The following ASB5 variants were observed in gnomAD, a reference collection of about 807,000 sequenced individuals.
The protein encoded by ASB5 is ankyrin repeat and SOCS box containing 5.
Under a neutral mutation model 42.1 loss-of-function variants are expected in ASB5, and 45 were observed. That is an observed-to-expected ratio of 1.07 (90% CI 0.84 to 1.37). The LOEUF is 1.37. Among genes scored for constraint, ASB5 ranks in the 40% most tolerant of loss-of-function variants. The pLI is 0.00. For missense variants in ASB5, 402 were observed against 399.8 expected, an observed-to-expected ratio of 1.01 and a Z score of -0.05; for synonymous variants, 147 against 150.6, an observed-to-expected ratio of 0.98 and a Z score of 0.18.
intron 1 of ASB5, among the ~76,000 whole-genome samples, chr4:176,236,084 C>G (rs568294836): frequency 2.0e-5 from 3 of 151,914 alleles, no homozygotes; most frequent in Admixed American, 6.6e-5. Flanking sequence ...TGACATAAAA[C>G]GATAGCTTAT....
In ASB5 at chr4:176,227,970, G is replaced by A. The variant is rs1036940415; in HGVS notation, c.197-2629C>T. 6.6e-5 allele frequency among the ~76,000 whole-genome samples: 10 copies of A among 151,790 alleles called. No homozygotes were observed. The East Asian group carries it at 9.6e-4, about 15-fold the overall frequency. ...AGAAGTTTTATTTCATTTTATTCTC[G>A]GCAAAAGTAGGCTGTTGCTTGACAA... is the stretch of plus-strand genomic sequence containing the variant. On this transcript the variant is annotated intron_variant, in intron 1 of 6. Transcript: ENST00000296525.
At chr4:176,272,108 A>G (rs960647813), upstream of ASB5, among the ~76,000 whole-genome samples, 1 of 152,204 alleles carries the variant, frequency 6.6e-6, no homozygotes, top group African/African-American at 2.4e-5. Flanking sequence ...ACTAAGTGGG[A>G]ATAAAGAAAG....
intron 1 of ASB5, among the ~76,000 whole-genome samples, chr4:176,263,125 C>T (rs10005873): frequency 0.65 from 98,340 of 151,804 alleles, 32,100 homozygotes; most frequent in Middle Eastern, 0.72. Flanking sequence ...TCGGAGAGTT[C>T]TGGTTGTTGA....
intron 5 of ASB5, among the ~76,000 whole-genome samples, chr4:176,217,327 A>G (rs2126937349): frequency 6.6e-6 from 1 of 152,260 alleles, no homozygotes; most frequent in African/African-American, 2.4e-5. Context: ...AATGATTCCA[A>G]AAGTAACCAT....
intron 2 of ASB5, among the ~76,000 whole-genome samples, chr4:176,275,438 T>G (rs1754546246): frequency 6.6e-6 from 1 of 152,174 alleles, no homozygotes; most frequent in Admixed American, 6.5e-5. Context: ...GTTATGAATT[T>G]TAGAGAAAAA....
At chr4:176,258,030 T>C (rs1480828565) in intron 1 of ASB5, among the ~76,000 whole-genome samples, 1 of 152,200 alleles carries the variant, frequency 6.6e-6, no homozygotes, top group Admixed American at 6.5e-5. Flanking sequence ...ATAGTTAATT[T>C]ATTACAATGT....
intron 1 of ASB5, among the ~76,000 whole-genome samples, 181 bp downstream of exon 1, chr4:176,268,728 CCAAA>C (rs1222698805): frequency 4.0e-5 from 6 of 151,602 alleles, no homozygotes; most frequent in Non-Finnish European, 5.9e-5. Context: ...TGATTTTAAC[CCAAA>C]CATTTACATT....
chr4:176,224,565 G>A (rs1753321439), intron 2 of ASB5, among the ~76,000 whole-genome samples: 1 of 149,778 alleles, frequency 6.7e-6, no homozygotes, highest in Non-Finnish European at 1.5e-5. Flanking sequence ...TAGAGATGGA[G>A]TTTCACCATG....
At chr4:176,216,761 A>G in intron 6 of ASB5, 57 bp downstream of exon 6, 1 of 1,401,378 alleles carries the variant, frequency 7.1e-7, no homozygotes, top group Non-Finnish European at 9.6e-7. Context: ...TCTCACTTTC[A>G]TCTATTTTAG....
intron 1 of ASB5, chr4:176,241,739 T>C (rs1561261138): frequency 1.8e-6 from 2 of 1,131,824 alleles, no homozygotes. Context: ...ATTGAGCAGT[T>C]GTTATCCAAC....
chr4:176,268,563 A>G (rs1458977512), intron 1 of ASB5, among the ~76,000 whole-genome samples: 1 of 152,176 alleles, frequency 6.6e-6, no homozygotes, highest in Non-Finnish European at 1.5e-5. Context: ...GCAATCAATT[A>G]CTTCTAAAAC....
chr4:176,222,479 A>G (rs1486090418), intron 2 of ASB5, 59 bp from the exon 3 acceptor site: 1 of 1,369,038 alleles, frequency 7.3e-7, no homozygotes, highest in African/African-American at 1.5e-5. Context: ...AAAATCATCT[A>G]TATGGATGTC....
intron 2 of ASB5, among the ~76,000 whole-genome samples, chr4:176,275,602 A>G (rs1198558986): frequency 6.6e-6 from 1 of 152,194 alleles, no homozygotes; most frequent in Admixed American, 6.5e-5. Context: ...CTACGATCCC[A>G]TAGAATATGA....
At chr4:176,221,391 C>T in intron 4 of ASB5, 59 bp downstream of exon 4, 1 of 1,600,702 alleles carries the variant, frequency 6.2e-7, no homozygotes, top group Non-Finnish European at 8.5e-7. Flanking sequence ...ATCAACAGAG[C>T]ACTGCAGGTT....
At chr4:176,232,128 CT>C (rs1183365897) in intron 1 of ASB5, among the ~76,000 whole-genome samples, 29 of 98,406 alleles carry the variant, frequency 2.9e-4, no homozygotes, top group South Asian at 6.2e-4. Context: ...TATATATATA[CT>C]TTTTTTTTTT....
intron 5 of ASB5, among the ~76,000 whole-genome samples, chr4:176,218,630 T>A (rs1353178341): frequency 1.0e-5 from 1 of 98,480 alleles, no homozygotes; most frequent in Non-Finnish European, 1.8e-5. Flanking sequence ...AAATATATAT[T>A]TGTATGATAT....
chr4:176,268,170 G>A (rs12645180), intron 1 of ASB5, among the ~76,000 whole-genome samples: 1 of 151,880 alleles, frequency 6.6e-6, no homozygotes, highest in Non-Finnish European at 1.5e-5. Context: ...TTAGAGTACC[G>A]ACCCAATAGA....
intron 1 of ASB5, among the ~76,000 whole-genome samples, chr4:176,243,970 T>A (rs1344423201): frequency 6.6e-6 from 1 of 152,220 alleles, no homozygotes; most frequent in Non-Finnish European, 1.5e-5. Flanking sequence ...ATTACAAAAA[T>A]TCAATCTGAA....
intron 1 of ASB5, among the ~76,000 whole-genome samples, chr4:176,242,493 A>G (rs532094656): frequency 5.9e-5 from 9 of 152,356 alleles, no homozygotes; most frequent in African/African-American, 2.2e-4. Context: ...TGTGTTATTT[A>G]GAAAATTGTC....
Sources: allele counts gnomAD v4.1 joint callset (sites outside exome capture counted in the v4.1 genomes callset), GRCh38; gene constraint gnomAD v4.1.1; transcripts MANE v1.5; gene names NCBI Gene and HGNC (gene_info 2026-07-23, HGNC 2026-07-21).